TLN2: variants seen among roughly 807,000 people sequenced by gnomAD.
TLN2 encodes talin-2.
A neutral mutation model predicts 294.7 loss-of-function variants in TLN2; 118 were observed. That is an observed-to-expected ratio of 0.40 (90% CI 0.34 to 0.47). The LOEUF is 0.47. Ranked by LOEUF, TLN2 falls within the 20% of genes least tolerant of loss-of-function variation. TLN2 has a pLI of 0.84. For missense variants in TLN2, 3,083 were observed against 3,282.2 expected (o/e 0.94, Z 1.48); for synonymous variants, 1,431 against 1,304.5 (o/e 1.10, Z -2.09).
intron 7 of TLN2, among the ~76,000 whole-genome samples, chr15:62,655,202 C>T (rs1257492348): frequency 6.6e-6 from 1 of 151,998 alleles, no homozygotes; most frequent in Non-Finnish European, 1.5e-5. Flanking sequence ...GTGGGAGACA[C>T]GTTTTGTGTA....
intron 1 of TLN2, among the ~76,000 whole-genome samples, chr15:62,432,344 T>A (rs2140291383): frequency 6.6e-6 from 1 of 152,148 alleles, no homozygotes. Flanking sequence ...GGCTGAGAGG[T>A]CCAAAATCAA....
chr15:62,776,687 A>G (rs1371445951), intron 42 of TLN2, 77 bp from the exon 43 acceptor site: 2 of 1,288,842 alleles, frequency 1.6e-6, no homozygotes. Flanking sequence ...TTTATATTCT[A>G]CTTTTGAAGG....
intron 11 of TLN2, chr15:62,682,808 T>C (rs531726685): frequency 2.6e-4 from 39 of 152,280 alleles, no homozygotes; most frequent in African/African-American, 8.7e-4. Flanking sequence ...AAATCACGTG[T>C]AACCCTTCTC....
chr15:62,639,621 A>G (rs886335161), intron 3 of TLN2, among the ~76,000 whole-genome samples: 1 of 152,128 alleles, frequency 6.6e-6, no homozygotes, highest in Non-Finnish European at 1.5e-5. Flanking sequence ...TCCTGGTCCT[A>G]TTCTAAGTGG....
intron 1 of TLN2, among the ~76,000 whole-genome samples, chr15:62,420,557 G>A (rs2034331729): frequency 6.6e-6 from 1 of 152,084 alleles, no homozygotes; most frequent in African/African-American, 2.4e-5. Context: ...ACCATGCTCG[G>A]CTAATTCTTG....
intron 52 of TLN2, among the ~76,000 whole-genome samples, chr15:62,813,607 A>G (rs553371644): frequency 6.6e-6 from 1 of 152,316 alleles, no homozygotes; most frequent in South Asian, 2.1e-4. Flanking sequence ...GTTACCTCCA[A>G]AGTTCTCCAG....
intron 32 of TLN2, among the ~76,000 whole-genome samples, chr15:62,743,602 G>C (rs2061455939): frequency 6.6e-6 from 1 of 152,062 alleles, no homozygotes; most frequent in African/African-American, 2.4e-5. Context: ...CTGACAAGTT[G>C]GGTGGAGCTG....
intron 1 of TLN2, among the ~76,000 whole-genome samples, chr15:62,538,036 A>T (rs1235959076): frequency 1.3e-5 from 2 of 152,266 alleles, no homozygotes; most frequent in African/African-American, 4.8e-5. Context: ...AGCTTGGCCA[A>T]TGTGGTGAAA....
At chr15:62,680,207 G>A (rs1207272809) in intron 11 of TLN2, among the ~76,000 whole-genome samples, 7 of 152,030 alleles carry the variant, frequency 4.6e-5, no homozygotes, top group Admixed American at 4.6e-4. Flanking sequence ...TCTACCAAAA[G>A]GCTTGCTGTG....
In TLN2 at chr15:62,747,962, G is replaced by T. The variant is rs147862127; in HGVS notation, c.4026-389G>T. Among the ~76,000 whole-genome samples the T allele has an allele frequency of 3.9e-3, 590 of 152,196 alleles. 4 individuals carry two copies. The highest frequency in any genetic ancestry group is 0.014 in the African/African-American group (572 of 41,518). ...ATTGAGTAGGCAGCGGAGGAGGAGGGGTTCATCTTGCTGTCTGAGAGGTGG... is the reference window on the plus strand; with the variant it reads ...ATTGAGTAGGCAGCGGAGGAGGAGGTGTTCATCTTGCTGTCTGAGAGGTGG... On this transcript the variant is annotated intron_variant, in intron 32 of 58. Coordinates refer to ENST00000636159, the MANE Select transcript of TLN2 (RefSeq NM_015059.3).
In TLN2 at chr15:62,707,103, G is replaced by A; in HGVS notation, c.2022G>A (p.Leu674=). Residue 674 remains leucine (L), a synonymous_variant, in exon 20 of 59, where the codon TTG becomes TTA. Coordinates refer to ENST00000636159, the MANE Select transcript of TLN2 (RefSeq NM_015059.3). ...TTTCTTAGGATGTTTTAATGAGTTTGGCCAAAGCTGTTGCCAATGCAGCTG... is the reference window on the plus strand; with the variant it reads ...TTTCTTAGGATGTTTTAATGAGTTTAGCCAAAGCTGTTGCCAATGCAGCTG... The part of the protein sequence containing the change: ...DERFQDVLMS[L]AKAVANAAAM... The A allele has an allele frequency of 6.2e-7, 1 of 1,613,552 alleles. No homozygotes were observed. Among genetic ancestry groups the A allele is most frequent in the Non-Finnish European group, 8.5e-7 (1 of 1,179,732 alleles).
chr15:62,805,624 G>C lies in TLN2; in HGVS notation c.6502G>C (p.Glu2168Gln). ...GGTGTTCCAGTCAAAAGACGTACCT[G>C]AAAAGACATCATCACCTGAAGAATC... ...LTVFQSKDVP[E>Q]KTSSPEESIR... Residue 2168 changes from glutamate (E) to glutamine (Q), a missense_variant, in exon 51 of 59, where the codon GAA becomes CAA. Glu to Gln is a conservative substitution (Grantham distance 29). Transcript: ENST00000636159. 6.2e-7 allele frequency: 1 copy of C among 1,611,344 alleles called. No homozygotes were observed. Among genetic ancestry groups the C allele is most frequent in the African/African-American group, 1.3e-5 (1 of 74,988 alleles).
chr15:62,656,702 C>T (rs1165552205), intron 8 of TLN2, among the ~76,000 whole-genome samples: 1 of 152,142 alleles, frequency 6.6e-6, no homozygotes. Flanking sequence ...CGTTATTTAT[C>T]CATCTATCTG....
intron 13 of TLN2, among the ~76,000 whole-genome samples, 193 bp from the exon 14 acceptor site, chr15:62,694,123 A>G (rs1049606731): frequency 2.0e-5 from 3 of 151,914 alleles, no homozygotes; most frequent in Non-Finnish European, 4.4e-5. Flanking sequence ...TCCTGTCACC[A>G]TGCCAGGCTG....
chr15:62,752,470 T>A (rs766629045), intron 35 of TLN2, 43 bp downstream of exon 35: 8 of 1,606,420 alleles, frequency 5.0e-6, no homozygotes, highest in Non-Finnish European at 6.0e-6. Context: ...CTGTGCCAGA[T>A]CCCTGTGGGA....
At chr15:62,463,166 G>C (rs75192919) in intron 1 of TLN2, among the ~76,000 whole-genome samples, 1,818 of 152,228 alleles carry the variant, frequency 0.012, 31 homozygotes, top group African/African-American at 0.04. Context: ...AAGATAAAAG[G>C]CTCTTGTGTC....
chr15:62,615,866 C>T (rs7177503), intron 2 of TLN2, among the ~76,000 whole-genome samples: 3,173 of 152,180 alleles, frequency 0.021, 126 homozygotes, highest in African/African-American at 0.073. Flanking sequence ...CTCCATATTT[C>T]TTGCCAGCAT....
At chr15:62,812,696 G>A (rs1020019131) in intron 52 of TLN2, among the ~76,000 whole-genome samples, 1 of 152,190 alleles carries the variant, frequency 6.6e-6, no homozygotes, top group Admixed American at 6.5e-5. Flanking sequence ...TGTTGGATCT[G>A]CTCAAGTGCT....
chr15:62,509,868 G>T (rs1020882903), intron 1 of TLN2, among the ~76,000 whole-genome samples: 3 of 152,160 alleles, frequency 2.0e-5, no homozygotes, highest in African/African-American at 7.2e-5. Context: ...GAGAGAATCC[G>T]GTGGCTTTGG....
Sources: allele counts gnomAD v4.1 joint callset (sites outside exome capture counted in the v4.1 genomes callset), GRCh38; gene constraint gnomAD v4.1.1; transcripts MANE v1.5; gene names NCBI Gene and HGNC (gene_info 2026-07-23, HGNC 2026-07-21).